TRIM71: variants seen among roughly 807,000 people sequenced by gnomAD.
TRIM71 encodes E3 ubiquitin-protein ligase TRIM71.
TRIM71 carries 9 observed loss-of-function variants against 61.2 expected under a neutral mutation model. That is an observed-to-expected ratio of 0.15 (90% CI 0.09 to 0.26). TRIM71 has a LOEUF of 0.26. Among genes scored for constraint, TRIM71 ranks in the 10% least tolerant of loss-of-function variants. The pLI is 1.00. For missense variants in TRIM71, 998 were observed against 1,238.7 expected (o/e 0.81, Z 2.92); for synonymous variants, 645 against 553.2 (o/e 1.17, Z -2.33).
intron 1 of TRIM71, among the ~76,000 whole-genome samples, chr3:32,824,819 G>A (rs1479650884): frequency 6.6e-6 from 1 of 151,904 alleles, no homozygotes; most frequent in Non-Finnish European, 1.5e-5. Context: ...TCTTGAGATG[G>A]AGTCTCGCTG....
chr3:32,864,304 G>C (rs1696705682), intron 1 of TRIM71, among the ~76,000 whole-genome samples: 1 of 152,208 alleles, frequency 6.6e-6, no homozygotes, highest in Non-Finnish European at 1.5e-5. Flanking sequence ...GTATTGTGTA[G>C]TGTAACTTGG....
rs547777160 is a variant in TRIM71, at chr3:32,884,202, C to T, written c.1021-1732C>T. ...CTGAGCCCAAGTGATTTGCCTGCCT[C>T]GGCCTCCCAAAGTGCTGGGATTACA... is the stretch of plus-strand genomic sequence containing the variant. On this transcript the variant is annotated intron_variant, in intron 2 of 3. Transcript: ENST00000383763. Among the ~76,000 whole-genome samples the T allele has an allele frequency of 2.6e-5, 4 of 152,226 alleles. No homozygotes were observed. The South Asian group carries it at 8.3e-4, about 32-fold the overall frequency.
intron 1 of TRIM71, among the ~76,000 whole-genome samples, chr3:32,867,082 T>C (rs1328224566): frequency 6.6e-6 from 1 of 152,166 alleles, no homozygotes; most frequent in Non-Finnish European, 1.5e-5. Flanking sequence ...TCAAATTGTC[T>C]TGTCCATGGA....
intron 1 of TRIM71, among the ~76,000 whole-genome samples, chr3:32,870,528 G>C (rs1696783681): frequency 6.6e-6 from 1 of 152,168 alleles, no homozygotes; most frequent in East Asian, 1.9e-4. Flanking sequence ...GTATATCTGG[G>C]CTCTCAAGGC....
At chr3:32,849,427 G>A (rs992637034) in intron 1 of TRIM71, among the ~76,000 whole-genome samples, 4 of 151,542 alleles carry the variant, frequency 2.6e-5, no homozygotes, top group African/African-American at 9.7e-5. Flanking sequence ...GGTGCGATCT[G>A]AGCTCACTGC....
chr3:32,868,432 G>A (rs754336925), intron 1 of TRIM71, among the ~76,000 whole-genome samples: 16 of 152,244 alleles, frequency 1.1e-4, no homozygotes, highest in Admixed American at 2.0e-4. Flanking sequence ...CACTGCTTGC[G>A]ATTTTTCAAA....
At chr3:32,873,771 T>TCCC (rs759248760) in intron 1 of TRIM71, 47 bp from the exon 2 acceptor site, 4 of 1,423,812 alleles carry the variant, frequency 2.8e-6, no homozygotes, top group Non-Finnish European at 3.7e-6. Context: ...TCCCTCCTCC[T>TCCC]CCCGTCCTGC....
chr3:32,854,150 G>A (rs749709764), intron 1 of TRIM71, among the ~76,000 whole-genome samples: 3 of 152,130 alleles, frequency 2.0e-5, no homozygotes, highest in Non-Finnish European at 4.4e-5. Flanking sequence ...CACCATGCCT[G>A]GCTAATTTTT....
intron 1 of TRIM71, among the ~76,000 whole-genome samples, chr3:32,823,848 C>T (rs1216810609): frequency 7.2e-5 from 11 of 151,918 alleles, no homozygotes; most frequent in East Asian, 5.8e-4. Flanking sequence ...CCGAGGCGGG[C>T]GGATCACGAG....
chr3:32,833,951 C>T (rs1696304614), intron 1 of TRIM71, among the ~76,000 whole-genome samples: 1 of 152,026 alleles, frequency 6.6e-6, no homozygotes, highest in Admixed American at 6.6e-5. Flanking sequence ...TTTTTACTTC[C>T]TTTGTTTCTG....
intron 1 of TRIM71, among the ~76,000 whole-genome samples, chr3:32,844,203 C>T (rs899357953): frequency 1.1e-4 from 16 of 152,136 alleles, no homozygotes; most frequent in Non-Finnish European, 1.9e-4. Flanking sequence ...TTCTGATTCT[C>T]TAAAACTGGG....
intron 1 of TRIM71, among the ~76,000 whole-genome samples, chr3:32,864,766 C>G (rs1210941822): frequency 1.3e-5 from 2 of 151,988 alleles, no homozygotes; most frequent in Non-Finnish European, 2.9e-5. Context: ...AGTATGCATC[C>G]CTCTTCCCCC....
chr3:32,857,902 C>T (rs948043630), intron 1 of TRIM71, among the ~76,000 whole-genome samples: 16 of 151,898 alleles, frequency 1.1e-4, no homozygotes, highest in African/African-American at 3.9e-4. Flanking sequence ...ACCCAGGAGG[C>T]GGAGGCTGCA....
chr3:32,831,201 C>A (rs1192467136), intron 1 of TRIM71, among the ~76,000 whole-genome samples: 3 of 151,968 alleles, frequency 2.0e-5, no homozygotes, highest in Non-Finnish European at 4.4e-5. Context: ...TTGAAAAATG[C>A]TCTCAGCTTC....
chr3:32,852,674 A>G (rs1288252544), intron 1 of TRIM71, among the ~76,000 whole-genome samples: 1 of 152,000 alleles, frequency 6.6e-6, no homozygotes, highest in East Asian at 1.9e-4. Flanking sequence ...GCAGTGGTTG[A>G]TGGCACACAG....
chr3:32,880,087 C>T (rs990058574), intron 2 of TRIM71, among the ~76,000 whole-genome samples: 1 of 151,974 alleles, frequency 6.6e-6, no homozygotes, highest in African/African-American at 2.4e-5. Context: ...CTGGCTGTGT[C>T]GCCCAGGCTG....
At chr3:32,867,746 G>A (rs1369863985) in intron 1 of TRIM71, among the ~76,000 whole-genome samples, 1 of 152,156 alleles carries the variant, frequency 6.6e-6, no homozygotes, top group Non-Finnish European at 1.5e-5. Flanking sequence ...ACATAAAAAT[G>A]TACTCAGTGA....
Position 32,883,332 on chromosome 3 carries a change from C to G in TRIM71, c.1021-2602C>G, listed in dbSNP as rs535126387. Among the ~76,000 whole-genome samples the G allele has an allele frequency of 1.3e-4, 20 of 152,308 alleles. 1 individual carries two copies. The highest frequency in any genetic ancestry group is 1.0e-3 in the Admixed American group (16 of 15,308). Reference sequence around the variant, plus strand: ...TATCGGGTCTGTTGTAACAATTTACCATAAACTGGATTACTTAAAACAGCA... The same window carrying G: ...TATCGGGTCTGTTGTAACAATTTACGATAAACTGGATTACTTAAAACAGCA... On this transcript the variant is annotated intron_variant, in intron 2 of 3. Transcript: ENST00000383763.
intron 1 of TRIM71, among the ~76,000 whole-genome samples, chr3:32,868,942 G>T (rs1696768815): frequency 6.6e-6 from 1 of 152,156 alleles, no homozygotes. Flanking sequence ...TACAGGAGAG[G>T]CTTCTGCTGA....
Sources: allele counts gnomAD v4.1 joint callset (sites outside exome capture counted in the v4.1 genomes callset), GRCh38; gene constraint gnomAD v4.1.1; transcripts MANE v1.5; gene names NCBI Gene and HGNC (gene_info 2026-07-23, HGNC 2026-07-21).